ORC3: variants seen among roughly 807,000 people sequenced by gnomAD.
The protein encoded by ORC3 is origin recognition complex subunit 3, also known as homolog of latheo, Drosophila.
Under a neutral mutation model 100.7 loss-of-function variants are expected in ORC3, and 78 were observed. That is an observed-to-expected ratio of 0.77 (90% CI 0.65 to 0.94). The LOEUF (loss-of-function observed/expected upper bound fraction) is 0.94, where lower values mean the gene tolerates loss of function less well. Among genes scored for constraint, ORC3 ranks in the 40% least tolerant of loss-of-function variants. The pLI, the probability that ORC3 is intolerant of heterozygous loss-of-function variation, is 0.00. For missense variants in ORC3, 789 were observed against 823.9 expected (o/e 0.96, Z 0.52); for synonymous variants, 295 against 289.3 (o/e 1.02, Z -0.20).
At chr6:87,631,003 T>C (rs1219397807) in intron 11 of ORC3, among the ~76,000 whole-genome samples, 1 of 152,008 alleles carries the variant, frequency 6.6e-6, no homozygotes, top group Non-Finnish European at 1.5e-5. Flanking sequence ...CCTGAGTATC[T>C]GGGACTACAG....
At chr6:87,635,081 A>T in intron 12 of ORC3, 120 bp downstream of exon 12, 1 of 752,606 alleles carries the variant, frequency 1.3e-6, no homozygotes, top group Non-Finnish European at 2.4e-6. Context: ...CAATGAGAAC[A>T]CAATCTAAAT....
chr6:87,591,044 T>C (rs1776855562), intron 1 of ORC3, among the ~76,000 whole-genome samples: 1 of 152,176 alleles, frequency 6.6e-6, no homozygotes, highest in East Asian at 1.9e-4. Flanking sequence ...CTATTTAAAT[T>C]TGAGTTAAAA....
At chr6:87,632,657 G>C (rs1767516948) in intron 11 of ORC3, among the ~76,000 whole-genome samples, 1 of 152,116 alleles carries the variant, frequency 6.6e-6, no homozygotes, top group African/African-American at 2.4e-5. Context: ...GAGGTCAGGA[G>C]ATCAAGACCA....
At chr6:87,616,603 G>A (rs529335029) in intron 9 of ORC3, among the ~76,000 whole-genome samples, 176 bp downstream of exon 9, 1 of 152,248 alleles carries the variant, frequency 6.6e-6, no homozygotes, top group African/African-American at 2.4e-5. Flanking sequence ...AAACTGTAGA[G>A]AATGCACTCA....
At position 87,667,308 on chromosome 6, in the gene ORC3, C is replaced by G. The variant is rs934840236; in HGVS notation, c.*185C>G. 8.1e-5 allele frequency: 37 copies of G among 459,358 alleles called. No individual in the cohort carries two copies. Among genetic ancestry groups the G allele is most frequent in the African/African-American group, 5.2e-4 (26 of 49,874 alleles). 28.5% of individuals were successfully genotyped at this position (459,358 alleles called of 1,614,324 possible). The stretch of plus-strand genomic sequence containing the variant: ...CATGTATCAAAACACCTGTGGAGTA[C>G]TTTAGACTCCAACAAATAATAATGT... On this transcript the variant is annotated 3_prime_UTR_variant, in exon 20 of 20. Coordinates refer to ENST00000392844, the MANE Select transcript of ORC3 (RefSeq NM_012381.4).
At chr6:87,650,863 C>T (rs181008772) in intron 13 of ORC3, 104 of 248,066 alleles carry the variant, frequency 4.2e-4, no homozygotes, top group Non-Finnish European at 5.1e-4. Context: ...CAAAATTAGC[C>T]GGGCATGGTG....
chr6:87,632,120 C>T (rs1383956885), intron 11 of ORC3, among the ~76,000 whole-genome samples: 1 of 151,796 alleles, frequency 6.6e-6, no homozygotes, highest in Admixed American at 6.6e-5. Context: ...GCTGAGATCA[C>T]GCCACTGCAC....
chr6:87,639,605 A>G (rs1768076119), intron 13 of ORC3, among the ~76,000 whole-genome samples: 2 of 152,094 alleles, frequency 1.3e-5, no homozygotes, highest in Admixed American at 6.5e-5. Flanking sequence ...GGAGTGGGAC[A>G]AGGTGTGGGT....
At chr6:87,651,571 G>T (rs1227389139) in intron 13 of ORC3, among the ~76,000 whole-genome samples, 2 of 152,074 alleles carry the variant, frequency 1.3e-5, no homozygotes, top group Admixed American at 6.6e-5. Context: ...TTATATCTTA[G>T]ATAATTATTG....
intron 14 of ORC3, among the ~76,000 whole-genome samples, chr6:87,655,488 A>G (rs993404937): frequency 1.3e-5 from 2 of 151,458 alleles, no homozygotes; most frequent in South Asian, 2.1e-4. Context: ...AGTAGCTGGG[A>G]CTACAGGCAC....
intron 16 of ORC3, among the ~76,000 whole-genome samples, chr6:87,659,146 C>T (rs1033721897): frequency 1.7e-4 from 26 of 150,466 alleles, no homozygotes; most frequent in African/African-American, 5.4e-4. Flanking sequence ...TGACTGCAAC[C>T]TCCGCCTCCC....
downstream of ORC3, among the ~76,000 whole-genome samples, chr6:87,668,610 T>A (rs1761187106): frequency 3.9e-5 from 6 of 152,276 alleles, no homozygotes; most frequent in South Asian, 1.2e-3. Flanking sequence ...CTTAGACCTC[T>A]GGCAGCGTGG....
In ORC3 at chr6:87,605,135, G is replaced by T. The variant is rs188666997; in HGVS notation, c.323-782G>T. Among the ~76,000 whole-genome samples, 79 of 152,264 alleles carry T rather than the reference G, an allele frequency of 5.2e-4. 1 individual carries two copies. The highest frequency in any genetic ancestry group is 9.9e-4 in the Non-Finnish European group (67 of 68,016). On this transcript the variant is annotated intron_variant, in intron 4 of 19. Coordinates refer to ENST00000392844, the MANE Select transcript of ORC3 (RefSeq NM_012381.4). Reference sequence around the variant, plus strand: ...CTGATTTGCAGAAATGAAAACCAGGGATTCCGTAAATACCAAAAGAACCCA... The same window carrying T: ...CTGATTTGCAGAAATGAAAACCAGGTATTCCGTAAATACCAAAAGAACCCA...
At chr6:87,661,603 AG>A (rs1197058781) in intron 16 of ORC3, among the ~76,000 whole-genome samples, 2 of 152,246 alleles carry the variant, frequency 1.3e-5, no homozygotes, top group Non-Finnish European at 2.9e-5. Context: ...CCTCTCCAGA[AG>A]AAGAGAAAGG....
chr6:87,656,798 TAAA>T (rs971235075), intron 14 of ORC3, 105 bp from the exon 15 acceptor site: 12 of 677,852 alleles, frequency 1.8e-5, no homozygotes, highest in Admixed American at 5.1e-5. Flanking sequence ...CTTGCCACAT[TAAA>T]AAAATATATA....
At chr6:87,677,755 C>G in the ORC3 span, 1 of 1,534,452 alleles carries the variant, frequency 6.5e-7, no homozygotes. Context: ...AATTAAAGTA[C>G]ACGTGGAAAA....
chr6:87,591,773 C>G (rs1562309714), intron 1 of ORC3, among the ~76,000 whole-genome samples: 1 of 151,908 alleles, frequency 6.6e-6, no homozygotes, highest in Non-Finnish European at 1.5e-5. Flanking sequence ...TGCTCTGTTA[C>G]CAGGCTGGAG....
chr6:87,626,257 A>G (rs1381664528), intron 11 of ORC3, among the ~76,000 whole-genome samples: 1 of 152,126 alleles, frequency 6.6e-6, no homozygotes, highest in African/African-American at 2.4e-5. Flanking sequence ...ATGGCATTGA[A>G]TCTATAAATT....
rs182697853 is a variant in ORC3, at chr6:87,637,606, T to C, written c.1382+1120T>C. ...TACCTATCTTATATACCCAGTTGAT[T>C]CTTTCAGGTTTTTCTCTTTTAAGCT... is the stretch of plus-strand genomic sequence containing the variant. On this transcript the variant is annotated intron_variant, in intron 13 of 19. Transcript: ENST00000392844. Among the ~76,000 whole-genome samples the C allele has an allele frequency of 4.6e-3, 694 of 152,356 alleles. 4 individuals carry two copies. Among genetic ancestry groups the C allele is most frequent in the Non-Finnish European group, 7.1e-3 (484 of 68,034 alleles).
Sources: allele counts gnomAD v4.1 joint callset (sites outside exome capture counted in the v4.1 genomes callset), GRCh38; gene constraint gnomAD v4.1.1; transcripts MANE v1.5; gene names NCBI Gene and HGNC (gene_info 2026-07-23, HGNC 2026-07-21).